Variants in CNTN5 observed in about 807,000 individuals in gnomAD.
CNTN5 encodes contactin-5.
A neutral mutation model predicts 129.1 loss-of-function variants in CNTN5; 77 were observed. That is an observed-to-expected ratio of 0.60 (90% CI 0.50 to 0.72). The LOEUF is 0.72. CNTN5 is among the 30% of genes least tolerant of loss of function. The probability of loss-of-function intolerance (pLI) is 0.00; values close to 1 mark genes in which losing one functional copy is unlikely to be tolerated. For synonymous variants in CNTN5, 509 were observed against 465.6 expected (o/e 1.09, Z -1.20); for missense variants, 1,478 against 1,328.8 (o/e 1.11, Z -1.75).
intron 3 of CNTN5, among the ~76,000 whole-genome samples, chr11:99,608,042 T>C (rs1242866647): frequency 6.8e-6 from 1 of 146,188 alleles, no homozygotes; most frequent in Non-Finnish European, 1.5e-5. Flanking sequence ...ATGGCACATG[T>C]ATACATATGT....
At chr11:99,185,459 T>A (rs570799689) in intron 1 of CNTN5, among the ~76,000 whole-genome samples, 1 of 152,064 alleles carries the variant, frequency 6.6e-6, no homozygotes, top group Non-Finnish European at 1.5e-5. Flanking sequence ...CCTTAAAAAA[T>A]AAAATATCTT....
chr11:100,294,207 G>A (rs1372686216), intron 18 of CNTN5, among the ~76,000 whole-genome samples: 1 of 151,644 alleles, frequency 6.6e-6, no homozygotes, highest in Non-Finnish European at 1.5e-5. Context: ...ATTGGTAAAT[G>A]ATTTCATTAC....
intron 1 of CNTN5, among the ~76,000 whole-genome samples, chr11:99,225,937 G>C (rs1030004475): frequency 6.6e-6 from 1 of 152,046 alleles, no homozygotes; most frequent in African/African-American, 2.4e-5. Context: ...GATTTATTTT[G>C]ACTCATAATA....
At chr11:99,708,252 C>A (rs748811649) in intron 3 of CNTN5, among the ~76,000 whole-genome samples, 1 of 151,658 alleles carries the variant, frequency 6.6e-6, no homozygotes, top group Non-Finnish European at 1.5e-5. Flanking sequence ...AATTTTCAGA[C>A]CTTTTAAGAA....
chr11:99,080,054 G>T (rs1414821791), intron 1 of CNTN5, among the ~76,000 whole-genome samples: 1 of 152,034 alleles, frequency 6.6e-6, no homozygotes, highest in African/African-American at 2.4e-5. Context: ...TACCCAATAG[G>T]TGCAAAGTGA....
Position 99,088,263 on chromosome 11 carries a change from T to C in CNTN5, c.-210+66993T>C, listed in dbSNP as rs537326220. On this transcript the variant is annotated intron_variant, in intron 1 of 24. Transcript: ENST00000524871. ...GGTTGATGTGTTCTTATCTGTGCCCTGATAGTGCTGATAATGGGGTCTTTT... is the reference window on the plus strand; with the variant it reads ...GGTTGATGTGTTCTTATCTGTGCCCCGATAGTGCTGATAATGGGGTCTTTT... Among the ~76,000 whole-genome samples the C allele has an allele frequency of 3.3e-5, 5 of 152,288 alleles. No homozygotes were observed. In the South Asian group the frequency reaches 1.0e-3, roughly 32 times the overall value.
At chr11:99,750,799 G>A (rs1047368396) in intron 3 of CNTN5, among the ~76,000 whole-genome samples, 1 of 152,194 alleles carries the variant, frequency 6.6e-6, no homozygotes, top group African/African-American at 2.4e-5. Flanking sequence ...TAAAGCATCA[G>A]AGATAAGGTG....
chr11:100,107,892 C>T (rs572255956), intron 13 of CNTN5, among the ~76,000 whole-genome samples: 1 of 151,452 alleles, frequency 6.6e-6, no homozygotes, highest in African/African-American at 2.4e-5. Flanking sequence ...AAACTCTTCA[C>T]AAAATGTAAT....
intron 4 of CNTN5, among the ~76,000 whole-genome samples, chr11:99,840,647 A>G (rs1408547904): frequency 1.3e-5 from 2 of 152,164 alleles, no homozygotes; most frequent in Non-Finnish European, 2.9e-5. Flanking sequence ...AAAAAAACAC[A>G]GAAAACCATT....
At chr11:99,864,114 G>A (rs1177096277) in intron 6 of CNTN5, among the ~76,000 whole-genome samples, 3 of 152,076 alleles carry the variant, frequency 2.0e-5, no homozygotes, top group Non-Finnish European at 4.4e-5. Flanking sequence ...GTTAATGCAT[G>A]ATATATAATA....
intron 2 of CNTN5, among the ~76,000 whole-genome samples, chr11:99,384,512 CAT>C (rs1940800834): frequency 6.6e-6 from 1 of 152,122 alleles, no homozygotes; most frequent in African/African-American, 2.4e-5. Flanking sequence ...AAAGTGAAGA[CAT>C]ATTCCAGGAA....
chr11:100,043,863 TC>T lies in CNTN5; in HGVS notation c.981-17347del, dbSNP rs553610377. Among the ~76,000 whole-genome samples, 202 of 152,270 alleles carry T rather than the reference TC, an allele frequency of 1.3e-3. 1 individual carries two copies. The South Asian group carries it at 0.015, about 12-fold the overall frequency. On this transcript the variant is annotated intron_variant, in intron 9 of 24. Transcript: ENST00000524871. ...TTGTATTTCTAATTAGGTCATAAAT[TC>T]CTTGAGTTATTACAGCATTCACTTT...
At chr11:99,056,571 T>C (rs1423876387) in intron 1 of CNTN5, among the ~76,000 whole-genome samples, 1 of 152,006 alleles carries the variant, frequency 6.6e-6, no homozygotes, top group Non-Finnish European at 1.5e-5. Flanking sequence ...ATTTTAATAA[T>C]TTTTAGAAAT....
At chr11:99,189,880 C>T (rs1858546637) in intron 1 of CNTN5, among the ~76,000 whole-genome samples, 1 of 151,404 alleles carries the variant, frequency 6.6e-6, no homozygotes. Flanking sequence ...ATTGATTGTT[C>T]CTTTGGCTGT....
intron 9 of CNTN5, among the ~76,000 whole-genome samples, chr11:100,007,214 T>G (rs983532550): frequency 6.6e-6 from 1 of 152,006 alleles, no homozygotes; most frequent in Admixed American, 6.6e-5. Flanking sequence ...TTTAACATAA[T>G]TCTTAAGGGC....
At chr11:100,307,467 T>A (rs895881580) in intron 20 of CNTN5, among the ~76,000 whole-genome samples, 1 of 151,392 alleles carries the variant, frequency 6.6e-6, no homozygotes, top group Non-Finnish European at 1.5e-5. Flanking sequence ...AAGTGCAGCC[T>A]CGAATAAAGT....
chr11:99,748,786 A>G (rs551662461), intron 3 of CNTN5, among the ~76,000 whole-genome samples: 53 of 152,300 alleles, frequency 3.5e-4, no homozygotes, highest in African/African-American at 1.3e-3. Context: ...CAGGTCCTCA[A>G]TGGCCTGCAT....
intron 4 of CNTN5, among the ~76,000 whole-genome samples, chr11:99,822,115 G>T (rs1483842052): frequency 6.6e-6 from 1 of 152,178 alleles, no homozygotes; most frequent in East Asian, 1.9e-4. Flanking sequence ...CGAAAAATGA[G>T]AAAAGTAACA....
intron 8 of CNTN5, among the ~76,000 whole-genome samples, chr11:99,959,219 C>A (rs1565722549): frequency 6.6e-6 from 1 of 152,146 alleles, no homozygotes; most frequent in Non-Finnish European, 1.5e-5. Flanking sequence ...GGTTCATGAT[C>A]ATCAATTTCA....
Sources: gnomAD v4.1 joint callset for allele counts (sites outside exome capture counted in the v4.1 genomes callset) on GRCh38, gnomAD v4.1.1 for gene constraint, MANE v1.5 for transcripts, NCBI Gene and HGNC (gene_info 2026-07-23, HGNC 2026-07-21) for gene names.